UNC45A: variants seen among roughly 807,000 people sequenced by gnomAD.
UNC45A encodes the protein protein unc-45 homolog A.
Under a neutral mutation model 103.2 loss-of-function variants are expected in UNC45A, and 78 were observed. That is an observed-to-expected ratio of 0.76 (90% CI 0.63 to 0.91). The LOEUF is 0.91. UNC45A is among the 40% of genes least tolerant of loss of function. The probability of loss-of-function intolerance (pLI) is 0.00; values close to 1 mark genes in which losing one functional copy is unlikely to be tolerated. For missense variants in UNC45A, 1,193 were observed against 1,224.8 expected, an observed-to-expected ratio of 0.97 and a Z score of 0.39; for synonymous variants, 495 against 504.6, an observed-to-expected ratio of 0.98 and a Z score of 0.25.
chr15:90,950,479 C>G, intron 16 of UNC45A, 21 bp from the exon 17 acceptor site: 1 of 1,610,226 alleles, frequency 6.2e-7, no homozygotes, highest in Non-Finnish European at 8.5e-7. Flanking sequence ...GTACCCCTGA[C>G]AGGTGGGGTG....
chr15:90,949,248 T>C, intron 13 of UNC45A, 68 bp from the exon 14 acceptor site: 1 of 1,553,122 alleles, frequency 6.4e-7, no homozygotes, highest in Non-Finnish European at 8.7e-7. Context: ...CAATTACTGC[T>C]GTGAGAAGGG....
upstream of UNC45A, chr15:90,931,974 A>G (rs1227457069): frequency 3.1e-6 from 5 of 1,613,864 alleles, no homozygotes; most frequent in East Asian, 8.9e-5. Flanking sequence ...CAGCCCTGAG[A>G]TGTCAGCCAA....
chr15:90,935,287 A>T lies in UNC45A; in HGVS notation c.-38A>T. ...CGAACCCAGACTCGCCCCGCCCCAG[A>T]GACTGCGCCTGCGCGGGCACGAGAC... is the stretch of plus-strand genomic sequence containing the variant. On this transcript the variant is annotated 5_prime_UTR_variant, in exon 1 of 20. Coordinates refer to ENST00000418476, the MANE Select transcript of UNC45A (RefSeq NM_018671.5). The T allele has an allele frequency of 6.3e-7, 1 of 1,581,904 alleles. No individual in the cohort carries two copies. Among genetic ancestry groups the T allele is most frequent in the Admixed American group, 1.8e-5 (1 of 56,096 alleles).
chr15:90,952,661 G>T, intron 17 of UNC45A: 1 of 426,278 alleles, frequency 2.3e-6, no homozygotes, highest in Non-Finnish European at 4.3e-6. Context: ...TTGACCTCAA[G>T]TCATCTGCCT....
chr15:90,938,263 T>TA (rs1272393972), intron 4 of UNC45A, among the ~76,000 whole-genome samples: 2 of 152,066 alleles, frequency 1.3e-5, no homozygotes, highest in Non-Finnish European at 2.9e-5. Flanking sequence ...TTGTGTAAAA[T>TA]ACGTATATTT....
intron 7 of UNC45A, 85 bp from the exon 8 acceptor site, chr15:90,942,827 G>T: frequency 7.2e-6 from 11 of 1,527,068 alleles, no homozygotes; most frequent in Non-Finnish European, 9.7e-6. Context: ...CCTTCCCTGT[G>T]TCTCCCTGGT....
intron 12 of UNC45A, 53 bp from the exon 13 acceptor site, chr15:90,948,601 T>C: frequency 1.3e-6 from 2 of 1,596,126 alleles, no homozygotes. Flanking sequence ...AGCATTTATC[T>C]GAGTACTGCT....
At chr15:90,953,345 G>T in intron 19 of UNC45A, 35 bp downstream of exon 19, 1 of 1,595,540 alleles carries the variant, frequency 6.3e-7, no homozygotes, top group South Asian at 1.1e-5. Context: ...AGGAGGGACG[G>T]ACCAGGAACT....
upstream of UNC45A, chr15:90,932,438 G>T: frequency 7.3e-7 from 1 of 1,365,812 alleles, no homozygotes; most frequent in South Asian, 1.8e-5. Flanking sequence ...CCGATGGGGT[G>T]GTTGATGTAG....
At chr15:90,938,763 C>T (rs919750879) in intron 4 of UNC45A, among the ~76,000 whole-genome samples, 1 of 152,142 alleles carries the variant, frequency 6.6e-6, no homozygotes, top group South Asian at 2.1e-4. Flanking sequence ...CCTCCACCTC[C>T]CAGATTCAAG....
At chr15:90,942,799 C>G in intron 7 of UNC45A, 113 bp from the exon 8 acceptor site, 4 of 1,491,014 alleles carry the variant, frequency 2.7e-6, no homozygotes, top group Non-Finnish European at 2.7e-6. Context: ...CAGTCTGGAG[C>G]CTGGGATGCG....
chr15:90,947,447 C>A (rs944219509), intron 10 of UNC45A: 8 of 315,844 alleles, frequency 2.5e-5, no homozygotes, highest in African/African-American at 1.7e-4. Context: ...GGCTGAAGCA[C>A]CTGTCCTCTC....
intron 14 of UNC45A, 50 bp from the exon 15 acceptor site, chr15:90,949,604 G>A: frequency 6.2e-7 from 1 of 1,611,392 alleles, no homozygotes; most frequent in Middle Eastern, 1.8e-4. Context: ...TGCAGCGTCT[G>A]CCTGCCAGAG....
At chr15:90,934,756 A>G (rs556606681), upstream of UNC45A, 1 of 399,374 alleles carries the variant, frequency 2.5e-6, no homozygotes, top group African/African-American at 2.1e-5. Flanking sequence ...GCCATCCTGA[A>G]TCTGCCCATG....
intron 8 of UNC45A, among the ~76,000 whole-genome samples, chr15:90,943,557 T>C (rs754388813): frequency 3.3e-5 from 5 of 152,186 alleles, no homozygotes. Context: ...GATTCAGCTC[T>C]TACAACACCT....
In UNC45A at chr15:90,936,427, C is replaced by A. The variant is rs767848415; in HGVS notation, c.393C>A (p.Ala131=). 1 of 1,614,166 alleles carries A rather than the reference C, an allele frequency of 6.2e-7. No homozygotes were observed. The highest frequency in any genetic ancestry group is 1.7e-5 in the Admixed American group (1 of 60,018). ...LEPKNKVFQE[A]LRNIGGQIQE... is the part of the protein sequence containing the mutation. ...CCAAGAACAAAGTTTTCCAGGAGGC[C>A]TTGCGGAACATCGGGGGCCAGATTC... The change falls in exon 4 of 20, where the codon GCC becomes GCA. Residue 131 remains alanine (A), a synonymous_variant. Transcript: ENST00000418476.
intron 2 of UNC45A, 82 bp downstream of exon 2, chr15:90,935,787 C>G: frequency 6.6e-7 from 1 of 1,517,420 alleles, no homozygotes; most frequent in Non-Finnish European, 8.8e-7. Context: ...CCCAGCTGGA[C>G]ATTCACGCTC....
At chr15:90,932,513 C>A (rs777219665), upstream of UNC45A, 19 of 1,299,420 alleles carry the variant, frequency 1.5e-5, no homozygotes, top group Middle Eastern at 2.9e-4. Flanking sequence ...TCGGCAGCCT[C>A]CAGCAGCTGC....
chr15:90,948,875 CTTTTTTTTTT>C (rs5814443), intron 13 of UNC45A, 81 bp downstream of exon 13: 4 of 986,290 alleles, frequency 4.1e-6, no homozygotes, highest in Non-Finnish European at 5.4e-6. Flanking sequence ...AACAACCTCC[CTTTTTTTTTT>C]TTTTTTTTTT....
Sources: gnomAD v4.1 joint callset for allele counts (sites outside exome capture counted in the v4.1 genomes callset) on GRCh38, gnomAD v4.1.1 for gene constraint, MANE v1.5 for transcripts, NCBI Gene and HGNC (gene_info 2026-07-23, HGNC 2026-07-21) for gene names.